The following MYO7A variants were observed in gnomAD, a reference collection of about 807,000 sequenced individuals.
MYO7A encodes the protein myosin VIIA.
A neutral mutation model predicts 263.8 loss-of-function variants in MYO7A; 210 were observed. The observed-to-expected ratio is 0.80, with a 90% CI of 0.71 to 0.89. The LOEUF (loss-of-function observed/expected upper bound fraction) is 0.89. MYO7A is among the 40% of genes least tolerant of loss of function. MYO7A has a pLI of 0.00. For synonymous variants in MYO7A, 1,239 were observed against 1,197.3 expected (o/e 1.03, Z -0.72); for missense variants, 2,820 against 2,968.3 (o/e 0.95, Z 1.16).
Position 77,197,519 on chromosome 11 carries a change from C to T in MYO7A, c.4362C>T (p.Val1454=), listed in dbSNP as rs374492441. 6.2e-7 allele frequency: 1 copy of T among 1,607,696 alleles called. No individual in the cohort carries two copies. The highest frequency in any genetic ancestry group is 8.5e-7 in the Non-Finnish European group (1 of 1,176,976). Residue 1454 remains valine (V), a synonymous_variant, in exon 33 of 49, where the codon GTC becomes GTT. Transcript: ENST00000409709. The part of the protein sequence containing the change: ...YAQRRTDAQK[V]KEDVVSYARF... The stretch of plus-strand genomic sequence containing the variant: ...AGAGGAGAACTGATGCCCAGAAGGT[C>T]AAAGAGGATGTGGTCAGTTATGCCC...
At chr11:77,205,661 C>T (rs773738804) in intron 40 of MYO7A, 44 bp downstream of exon 40, 5 of 1,608,624 alleles carry the variant, frequency 3.1e-6, no homozygotes, top group Admixed American at 1.7e-5. Flanking sequence ...GGGGCGGGCT[C>T]CTGGCCACGC....
At chr11:77,214,043 C>G in intron 48 of MYO7A, 64 bp downstream of exon 48, 1 of 1,604,974 alleles carries the variant, frequency 6.2e-7, no homozygotes, top group Non-Finnish European at 8.5e-7. Context: ...GCCAGCCTCC[C>G]AGGGCCTGGA....
At chr11:77,154,199 G>A (rs1952229307) in intron 4 of MYO7A, among the ~76,000 whole-genome samples, 1 of 152,230 alleles carries the variant, frequency 6.6e-6, no homozygotes, top group Non-Finnish European at 1.5e-5. Context: ...AACAGCCAAG[G>A]GAGGTGGGTG....
Position 77,204,130 on chromosome 11 carries a change from A to T in MYO7A, c.5381A>T (p.Glu1794Val). The T allele has an allele frequency of 6.3e-7, 1 of 1,599,884 alleles. No homozygotes were observed. The highest frequency in any genetic ancestry group is 1.1e-5 in the South Asian group (1 of 88,038). Reference protein sequence around the residue: ...YPSKRTRSVNELTDQIFEGPL... With the variant: ...YPSKRTRSVNVLTDQIFEGPL... ...TCCAAGAGGACACGCTCCGTCAACG[A>T]GCTCACCGACCAGATCTTTGAGGGT... is the stretch of plus-strand genomic sequence containing the variant. Residue 1794 changes from glutamate (E) to valine (V), a missense_variant, in exon 39 of 49, where the codon GAG becomes GTG. Coordinates refer to ENST00000409709, the MANE Select transcript of MYO7A (RefSeq NM_000260.4).
intron 7 of MYO7A, 32 bp from the exon 8 acceptor site, chr11:77,157,247 C>T: frequency 1.3e-6 from 2 of 1,552,272 alleles, no homozygotes; most frequent in Non-Finnish European, 1.8e-6. Context: ...GCCCTCCTCC[C>T]CTGGCCCCCA....
chr11:77,163,036 C>A, intron 14 of MYO7A, 48 bp downstream of exon 14: 3 of 1,602,972 alleles, frequency 1.9e-6, no homozygotes, highest in Non-Finnish European at 1.7e-6. Context: ...GTGGCCCTGC[C>A]TTCCCCTGCT....
At chr11:77,148,127 C>T (rs1270003897) in intron 4 of MYO7A, among the ~76,000 whole-genome samples, 177 bp downstream of exon 4, 4 of 152,298 alleles carry the variant, frequency 2.6e-5, no homozygotes, top group African/African-American at 9.6e-5. Flanking sequence ...TGCCGGCAGC[C>T]GCTCGGCGGG....
chr11:77,211,113 A>G, intron 44 of MYO7A, 39 bp from the exon 45 acceptor site: 1 of 1,502,174 alleles, frequency 6.7e-7, no homozygotes, highest in Non-Finnish European at 9.0e-7. Context: ...CACTTCTGCC[A>G]GGTCCCTGCA....
chr11:77,199,414 C>T, intron 34 of MYO7A, 121 bp from the exon 35 acceptor site: 1 of 1,113,592 alleles, frequency 9.0e-7, no homozygotes, highest in Non-Finnish European at 1.2e-6. Context: ...GTGGGTCTCC[C>T]TCTGGGCCAT....
chr11:77,189,747 T>C (rs185180797), intron 28 of MYO7A, among the ~76,000 whole-genome samples: 4 of 152,294 alleles, frequency 2.6e-5, no homozygotes, highest in African/African-American at 9.6e-5. Context: ...CCCTGGGCGC[T>C]GGGGTCAGAG....
chr11:77,154,442 C>T (rs770346301), intron 4 of MYO7A, among the ~76,000 whole-genome samples: 5 of 152,194 alleles, frequency 3.3e-5, no homozygotes, highest in Non-Finnish European at 7.3e-5. Context: ...GGGTGTCATT[C>T]GTGGAAAATG....
At chr11:77,194,691 G>T (rs1956508466) in intron 32 of MYO7A, among the ~76,000 whole-genome samples, 167 bp downstream of exon 32, 1 of 152,116 alleles carries the variant, frequency 6.6e-6, no homozygotes, top group South Asian at 2.1e-4. Context: ...TTCCATCTGT[G>T]TGCCAGGCAC....
rs749713674 is a variant in MYO7A, at chr11:77,211,181, C to A, written c.6081C>A (p.His2027Gln). Residue 2027 changes from histidine to glutamine, a missense_variant, in exon 45 of 49, where the codon CAC (histidine) becomes CAA (glutamine). Transcript: ENST00000409709. ...TGCCCAAGTATCTCCGAGGCTACCACAAGTGCACGCGGGAGGAGGTGCTGC... is the reference window on the plus strand; with the variant it reads ...TGCCCAAGTATCTCCGAGGCTACCAAAAGTGCACGCGGGAGGAGGTGCTGC... ...QELPKYLRGYHKCTREEVLQL... is the reference protein window; with the variant it reads ...QELPKYLRGYQKCTREEVLQL... 5.0e-6 allele frequency: 8 copies of A among 1,591,470 alleles called. No individual in the cohort carries two copies. In the South Asian group the frequency reaches 8.1e-5, roughly 16 times the overall value.
chr11:77,200,372 G>A (rs571092248), intron 35 of MYO7A, among the ~76,000 whole-genome samples: 2 of 152,306 alleles, frequency 1.3e-5, no homozygotes, highest in South Asian at 4.1e-4. Flanking sequence ...AGGAGAAGGG[G>A]TGCCTGCATC....
At chr11:77,192,965 ATGGTGGAGGTAGTTGTGATGG>A (rs1480353506) in intron 31 of MYO7A, among the ~76,000 whole-genome samples, 12 of 11,104 alleles carry the variant, frequency 1.1e-3, no homozygotes, top group African/African-American at 5.7e-3. Context: ...GGTGTTGGTG[ATGGTGGAGGTAGTTGTGATGG>A]TGGAGGTAGT....
chr11:77,172,779 T>C lies in MYO7A; in HGVS notation c.1829T>C (p.Leu610Pro). 6.4e-7 allele frequency: 1 copy of C among 1,560,190 alleles called. No homozygotes were observed. The highest frequency in any genetic ancestry group is 8.7e-7 in the Non-Finnish European group (1 of 1,152,598). Residue 610 changes from leucine (L) to proline (P), a missense_variant, in exon 16 of 49, where the codon CTT becomes CCT. Leu to Pro is a moderately conservative substitution (Grantham distance 98). Coordinates refer to ENST00000409709, the MANE Select transcript of MYO7A (RefSeq NM_000260.4). ...GAGACCAGGAAGCGCTCGCCCACAC[T>C]TAGCAGCCAGTTCAAGCGGTCACTG... Reference protein sequence around the residue: ...GAETRKRSPTLSSQFKRSLEL... With the variant: ...GAETRKRSPTPSSQFKRSLEL...
chr11:77,213,873 C>G lies in MYO7A; in HGVS notation c.6452C>G (p.Thr2151Ser). 5.0e-6 allele frequency: 8 copies of G among 1,614,078 alleles called. No homozygotes were observed. Among genetic ancestry groups the G allele is most frequent in the Non-Finnish European group, 5.9e-6 (7 of 1,179,912 alleles). ...CTGCTCCCCCAGGATATCCTCACCA[C>G]TCATCCCTTCACCAAGATCTCCAAC... is the stretch of plus-strand genomic sequence containing the variant. ...IDPKTKDILTTHPFTKISNWS... is the reference protein window; with the variant it reads ...IDPKTKDILTSHPFTKISNWS... The change falls in exon 48 of 49, where the codon ACT (threonine) becomes AGT (serine). Residue 2151 changes from threonine to serine, a missense_variant. Thr to Ser is a moderately conservative substitution (Grantham distance 58, BLOSUM62 1). Coordinates refer to ENST00000409709, the MANE Select transcript of MYO7A (RefSeq NM_000260.4).
intron 30 of MYO7A, among the ~76,000 whole-genome samples, chr11:77,191,700 C>T (rs1956090401): frequency 1.3e-5 from 2 of 152,196 alleles, no homozygotes; most frequent in South Asian, 4.1e-4. Context: ...CAGAGGGGCC[C>T]CCGCCCACAA....
intron 26 of MYO7A, among the ~76,000 whole-genome samples, 170 bp downstream of exon 26, chr11:77,183,327 C>T (rs568115884): frequency 6.6e-6 from 1 of 151,700 alleles, no homozygotes; most frequent in South Asian, 2.1e-4. Context: ...GGTTGGTGGG[C>T]GATCAGGCAG....
Sources: gnomAD v4.1 joint callset for allele counts (sites outside exome capture counted in the v4.1 genomes callset) on GRCh38, gnomAD v4.1.1 for gene constraint, MANE v1.5 for transcripts, NCBI Gene and HGNC (gene_info 2026-07-23, HGNC 2026-07-21) for gene names.